The following LRRC74B variants were observed in gnomAD, a reference collection of about 807,000 sequenced individuals.
The protein encoded by LRRC74B is leucine rich repeat containing 74B.
LRRC74B carries 30 observed loss-of-function variants against 16.6 expected under a neutral mutation model. That is an observed-to-expected ratio of 1.80 (90% CI 1.35 to 2.45). LRRC74B has a LOEUF of 2.45. Ranked by LOEUF, LRRC74B falls within the 30% of genes most tolerant of loss-of-function variation. The pLI, the probability that LRRC74B is intolerant of heterozygous loss-of-function variation, is 0.00. For missense variants in LRRC74B, 326 were observed against 202.4 expected (o/e 1.61, Z -3.71); for synonymous variants, 134 against 86.0 (o/e 1.56, Z -3.09).
At chr22:21,048,218 C>T in intron 3 of LRRC74B, 1 of 570,176 alleles carries the variant, frequency 1.8e-6, no homozygotes, top group Non-Finnish European at 3.2e-6. Flanking sequence ...GAAGTCCTTT[C>T]CTCACCCACC....
At chr22:21,062,826 C>CA (rs1930874774), downstream of LRRC74B, 1 of 151,636 alleles carries the variant, frequency 6.6e-6, no homozygotes. Context: ...CCAGGAGTTC[C>CA]AGACCAGCCT....
At chr22:21,049,002 G>A (rs1197258338) in exon 4 of LRRC74B, 11 of 715,822 alleles carry the variant, frequency 1.5e-5, no homozygotes, top group Non-Finnish European at 2.9e-5. Flanking sequence ...CAGGCCCTCT[G>A]TGCCGCCCTC....
At chr22:21,047,925 T>C in exon 3 of LRRC74B, 1 of 717,346 alleles carries the variant, frequency 1.4e-6, no homozygotes, top group Non-Finnish European at 2.6e-6. Context: ...CCAATCCATA[T>C]GTCAAGCGGC....
downstream of LRRC74B, chr22:21,062,106 C>T (rs1307203913): frequency 1.3e-5 from 2 of 152,168 alleles, no homozygotes; most frequent in African/African-American, 2.4e-5. Context: ...AAGCCAGCCA[C>T]AAGATCACGT....
intron 8 of LRRC74B, 92 bp from the exon 9 acceptor site, chr22:21,060,281 G>A: frequency 1.6e-6 from 1 of 623,524 alleles, no homozygotes; most frequent in South Asian, 2.0e-5. Context: ...GCTGCCCGAA[G>A]GAGCTTCTCT....
chr22:21,058,334 G>A (rs1601823385), intron 8 of LRRC74B, among the ~76,000 whole-genome samples: 2 of 152,100 alleles, frequency 1.3e-5, no homozygotes, highest in Admixed American at 6.5e-5. Flanking sequence ...ACACAGAAAG[G>A]TCCCCATCTC....
Position 21,047,881 on chromosome 22 carries a change from C to G in LRRC74B, c.283-3C>G. The G allele has an allele frequency of 1.4e-6, 1 of 717,294 alleles. No homozygotes were observed. Among genetic ancestry groups the G allele is most frequent in the South Asian group, 1.5e-5 (1 of 67,568 alleles). 44.4% of individuals were successfully genotyped at this position (717,294 alleles called of 1,614,324 possible). A position where few individuals can be genotyped will look rare whatever the true frequency, so the allele number is the denominator to read the frequency against. ...GCCAGTGTGTTTGCTCTGTCTGTCC[C>G]AGGGCGCCCGGGCTCTGGCTTCCTC... is the stretch of plus-strand genomic sequence containing the variant. On this transcript the variant is annotated splice_polypyrimidine_tract_variant and splice_region_variant and intron_variant, in intron 2 of 8. Transcript: ENST00000442047.
chr22:21,062,135 T>C (rs1020147677), downstream of LRRC74B: 19 of 152,320 alleles, frequency 1.2e-4, no homozygotes, highest in Non-Finnish European at 2.1e-4. Context: ...ACCGCATTTA[T>C]GTGAAACATC....
At chr22:21,047,768 G>A in intron 2 of LRRC74B, 116 bp from the exon 3 acceptor site, 1 of 650,628 alleles carries the variant, frequency 1.5e-6, no homozygotes, top group Non-Finnish European at 2.8e-6. Flanking sequence ...GGAGAAGCAG[G>A]TGTCACTTAA....
intron 8 of LRRC74B, among the ~76,000 whole-genome samples, chr22:21,059,498 T>C (rs1569202297): frequency 6.6e-6 from 1 of 151,408 alleles, no homozygotes; most frequent in African/African-American, 2.4e-5. Flanking sequence ...AAAGCGGAGG[T>C]TTCAGTGAGC....
In LRRC74B at chr22:21,053,429, G is replaced by A. The variant is rs926085351; in HGVS notation, c.802G>A (p.Gly268Ser). The change falls in exon 6 of 9, where the codon GGT (glycine) becomes AGT (serine). Residue 268 changes from glycine to serine, a missense_variant. Gly to Ser is a moderately conservative substitution (Grantham distance 56). Transcript: ENST00000442047. The stretch of plus-strand genomic sequence containing the variant: ...TGGGGATCCTGGAGCCTCTGCGGTG[G>A]GTGAGGCTCTGAAGGCCAACAACGT... 4.2e-5 allele frequency: 30 copies of A among 717,240 alleles called. No homozygotes were observed. In the African/African-American group the frequency reaches 4.9e-4, roughly 12 times the overall value. The allele number at this position is 717,240 out of a possible 1,614,324, so 44.4% of individuals were successfully genotyped here.
Position 21,059,540 on chromosome 22 carries a change from G to A in LRRC74B, c.1024-833G>A, listed in dbSNP as rs1398213128. ...CATGCCAATGCATTCCAGCCTGGGT[G>A]ACAGAGCGAGACTCTACCTCAAAAA... is the stretch of plus-strand genomic sequence containing the variant. On this transcript the variant is annotated intron_variant, in intron 8 of 8. Transcript: ENST00000442047. Among the ~76,000 whole-genome samples, 11 of 152,266 alleles carry A rather than the reference G, an allele frequency of 7.2e-5. No individual in the cohort carries two copies. The East Asian group carries it at 2.1e-3, about 29-fold the overall frequency.
chr22:21,049,636 T>C (rs545772457), intron 4 of LRRC74B, among the ~76,000 whole-genome samples: 54 of 151,132 alleles, frequency 3.6e-4, no homozygotes, highest in South Asian at 1.9e-3. Context: ...AGCAGAGGAA[T>C]AGTGAGCATG....
chr22:21,046,482 C>T (rs1020480947), intron 1 of LRRC74B, among the ~76,000 whole-genome samples: 1 of 152,136 alleles, frequency 6.6e-6, no homozygotes, highest in African/African-American at 2.4e-5. Context: ...ACACAGCATG[C>T]AATTTGGCAT....
intron 8 of LRRC74B, among the ~76,000 whole-genome samples, chr22:21,057,836 T>G (rs1479954045): frequency 1.4e-5 from 2 of 147,426 alleles, no homozygotes; most frequent in African/African-American, 5.0e-5. Flanking sequence ...TGCAAACTTC[T>G]GACCTCAAGT....
intron 1 of LRRC74B, among the ~76,000 whole-genome samples, chr22:21,047,047 C>T (rs1050611858): frequency 3.3e-5 from 5 of 150,530 alleles, no homozygotes; most frequent in East Asian, 2.0e-4. Context: ...GAGCCGAGAT[C>T]GTGCCACTGC....
chr22:21,051,718 A>G (rs1401526901), intron 4 of LRRC74B, among the ~76,000 whole-genome samples: 5 of 152,186 alleles, frequency 3.3e-5, no homozygotes, highest in African/African-American at 1.2e-4. Flanking sequence ...CTTGGCACAC[A>G]AGGCCCCTCA....
chr22:21,055,989 G>A (rs1930493013), intron 7 of LRRC74B, among the ~76,000 whole-genome samples: 1 of 152,116 alleles, frequency 6.6e-6, no homozygotes, highest in African/African-American at 2.4e-5. Flanking sequence ...CCCAGAGCCT[G>A]CCTGCCCCTC....
exon 3 of LRRC74B, chr22:21,047,960 G>C: frequency 1.4e-6 from 1 of 717,420 alleles, no homozygotes; most frequent in South Asian, 1.5e-5. Context: ...AATGGGCTCT[G>C]TGGGGCAGGT....
Sources: allele counts gnomAD v4.1 joint callset (sites outside exome capture counted in the v4.1 genomes callset), GRCh38; gene constraint gnomAD v4.1.1; transcripts MANE v1.5; gene names NCBI Gene and HGNC (gene_info 2026-07-23, HGNC 2026-07-21).